The following USP44 variants were observed in gnomAD, a reference collection of about 807,000 sequenced individuals.
USP44 encodes the protein ubiquitin carboxyl-terminal hydrolase 44.
USP44 carries 61 observed loss-of-function variants against 69.0 expected under a neutral mutation model. The ratio of observed to expected loss-of-function variants is 0.88; its 90% CI spans 0.72 to 1.09. USP44 has a LOEUF of 1.09. Among genes scored for constraint, USP44 ranks in the 50% least tolerant of loss-of-function variants. USP44 has a pLI of 0.00. For missense variants in USP44, 753 were observed against 849.9 expected (o/e 0.89, Z 1.42); for synonymous variants, 297 against 295.4 (o/e 1.01, Z -0.06).
intron 1 of USP44, among the ~76,000 whole-genome samples, chr12:95,535,586 A>C (rs1282146881): frequency 6.6e-6 from 1 of 152,220 alleles, no homozygotes; most frequent in Non-Finnish European, 1.5e-5. Context: ...TGAAATTATA[A>C]GCTTATTTTT....
intron 1 of USP44, among the ~76,000 whole-genome samples, chr12:95,543,423 A>AG (rs1223801264): frequency 4.7e-5 from 7 of 150,296 alleles, no homozygotes; most frequent in African/African-American, 9.8e-5. Context: ...AAAAAAAAAA[A>AG]AAAAAGAAAA....
intron 1 of USP44, among the ~76,000 whole-genome samples, chr12:95,541,313 G>C (rs1371047640): frequency 2.0e-5 from 3 of 152,130 alleles, no homozygotes; most frequent in Admixed American, 6.5e-5. Context: ...GCTGGGCACA[G>C]TGGCTCATGC....
chr12:95,537,668 G>C (rs1032534428), intron 1 of USP44, among the ~76,000 whole-genome samples: 7 of 152,060 alleles, frequency 4.6e-5, no homozygotes, highest in African/African-American at 7.2e-5. Context: ...GGAAATGCCA[G>C]CAAAAAAGAT....
At chr12:95,544,079 G>C (rs1465660939) in intron 1 of USP44, among the ~76,000 whole-genome samples, 2 of 122,838 alleles carry the variant, frequency 1.6e-5, no homozygotes, top group Non-Finnish European at 3.2e-5. Flanking sequence ...TTCTGAGATG[G>C]AGTCTCGCTC....
chr12:95,538,504 C>T (rs1203937724), intron 1 of USP44, among the ~76,000 whole-genome samples: 1 of 151,028 alleles, frequency 6.6e-6, no homozygotes, highest in African/African-American at 2.4e-5. Context: ...TAGCTAAGAA[C>T]TAAGGTCTGA....
chr12:95,543,981 A>AG lies in USP44; in HGVS notation c.-71+7290_-71+7291insC, dbSNP rs1490515104. Among the ~76,000 whole-genome samples the AG allele has an allele frequency of 4.6e-3, 672 of 147,278 alleles. 13 individuals carry two copies. Among genetic ancestry groups the AG allele is most frequent in the African/African-American group, 0.016 (637 of 39,374 alleles). ...GACTGCATCTCAAAAAAAAAAAAAA[A>AG]AAAAAAAAGAAAAAAACCCAAAACA... is the stretch of plus-strand genomic sequence containing the variant. On this transcript the variant is annotated intron_variant, in intron 1 of 5. Transcript: ENST00000258499.
Position 95,533,522 on chromosome 12 carries a change from T to C in USP44, c.735A>G (p.Val245=). Residue 245 remains valine, a synonymous_variant, in exon 2 of 6, where the codon GTA becomes GTG. Coordinates refer to ENST00000258499, the MANE Select transcript of USP44 (RefSeq NM_032147.5). The part of the protein sequence containing the change: ...QTPASPAKDK[V]LSTSENEISQ... ...ATATTTCATTTTCTGAGGTAGAGAGTACTTTATCTTTTGCTGGTGATGCTG... is the reference window on the plus strand; with the variant it reads ...ATATTTCATTTTCTGAGGTAGAGAGCACTTTATCTTTTGCTGGTGATGCTG... 1 of 1,613,842 alleles carries C rather than the reference T, an allele frequency of 6.2e-7. No homozygotes were observed.
intron 1 of USP44, among the ~76,000 whole-genome samples, chr12:95,544,633 G>A (rs1404481130): frequency 6.6e-6 from 1 of 151,930 alleles, no homozygotes. Context: ...ACACAAAAAA[G>A]TCAAATTAAA....
intron 2 of USP44, among the ~76,000 whole-genome samples, chr12:95,532,445 G>C (rs111945476): frequency 8.5e-5 from 13 of 152,102 alleles, no homozygotes; most frequent in African/African-American, 2.7e-4. Context: ...TGGGATTATA[G>C]GTGTGAGCCC....
chr12:95,532,432 T>C (rs2077051028), intron 2 of USP44, among the ~76,000 whole-genome samples: 2 of 152,098 alleles, frequency 1.3e-5, no homozygotes, highest in Non-Finnish European at 2.9e-5. Flanking sequence ...CTTCCCAAAG[T>C]GCTGGGATTA....
Position 95,517,505 on chromosome 12 carries a change from T to C in USP44, c.*649A>G, listed in dbSNP as rs2076511121. The C allele has an allele frequency of 6.6e-6, 1 of 152,156 alleles. No individual in the cohort carries two copies. Among genetic ancestry groups the C allele is most frequent in the Non-Finnish European group, 1.5e-5 (1 of 68,034 alleles). 9.4% of individuals were successfully genotyped at this position (152,156 alleles called of 1,614,324 possible). A position where few individuals can be genotyped will look rare whatever the true frequency, so the allele number is the denominator to read the frequency against. On this transcript the variant is annotated 3_prime_UTR_variant, in exon 6 of 6. Coordinates refer to ENST00000258499, the MANE Select transcript of USP44 (RefSeq NM_032147.5). ...CCAGCCATCATTTTTTTCATGTCCA[T>C]AGTTCCAGAGTTCACTTAAATATAC...
intron 3 of USP44, 137 bp downstream of exon 3, chr12:95,528,670 G>T: frequency 1.2e-6 from 1 of 847,994 alleles, no homozygotes; most frequent in Non-Finnish European, 1.7e-6. Context: ...ATTATAAAGT[G>T]AAAACGTCTG....
chr12:95,533,922 CA>C lies in USP44; in HGVS notation c.334del (p.Cys112AlafsTer46). ...TAAAAACCTCCCACTACGAGTTGTGCAGTGATAATTTTGACTTTTGATGGCA... is the reference window on the plus strand; with the variant it reads ...TAAAAACCTCCCACTACGAGTTGTGCGTGATAATTTTGACTTTTGATGGCA... ...LSAIKSQNYH[C>X]TTRSGRFLRS... On this transcript the variant is annotated frameshift_variant, in exon 2 of 6. Coordinates refer to ENST00000258499, the MANE Select transcript of USP44 (RefSeq NM_032147.5). LOFTEE classifies it high-confidence loss of function. The C allele has an allele frequency of 1.2e-6, 2 of 1,614,178 alleles. No homozygotes were observed. Among genetic ancestry groups the C allele is most frequent in the South Asian group, 2.2e-5 (2 of 91,076 alleles).
intron 1 of USP44, among the ~76,000 whole-genome samples, chr12:95,544,048 CTTT>C (rs1191045599): frequency 4.7e-4 from 46 of 97,246 alleles, no homozygotes; most frequent in African/African-American, 1.8e-3. Flanking sequence ...TTTTAGTTAT[CTTT>C]TTTTTTTTTT....
chr12:95,532,823 C>T lies in USP44; in HGVS notation c.1428+6G>A, dbSNP rs1397496291. On this transcript the variant is annotated splice_donor_region_variant and intron_variant, in intron 2 of 5. Transcript: ENST00000258499. ...TGATGAAAATAAGATTCTTAAAAAT[C>T]CATACCTGACTAAGAAGTTGTCCAT... 3.8e-6 allele frequency: 6 copies of T among 1,563,754 alleles called. No individual in the cohort carries two copies. The highest frequency in any genetic ancestry group is 5.2e-6 in the Non-Finnish European group (6 of 1,159,404).
At chr12:95,536,344 C>G (rs958551286) in intron 1 of USP44, among the ~76,000 whole-genome samples, 22 of 152,008 alleles carry the variant, frequency 1.4e-4, no homozygotes, top group African/African-American at 5.1e-4. Context: ...TGCCCAGCCC[C>G]CATTTCACAC....
At chr12:95,520,626 A>G (rs1419736653) in intron 5 of USP44, among the ~76,000 whole-genome samples, 1 of 152,208 alleles carries the variant, frequency 6.6e-6, no homozygotes, top group Non-Finnish European at 1.5e-5. Flanking sequence ...TTTGTTCCAA[A>G]TATCTATGAT....
chr12:95,524,639 G>C, intron 4 of USP44, 41 bp downstream of exon 4: 1 of 1,458,020 alleles, frequency 6.9e-7, no homozygotes, highest in Non-Finnish European at 9.4e-7. Context: ...AGCATTATAA[G>C]CACAAGGAAT....
In USP44 at chr12:95,532,974, A is replaced by G; in HGVS notation, c.1283T>C (p.Leu428Pro). 6.2e-7 allele frequency: 1 copy of G among 1,614,238 alleles called. No individual in the cohort carries two copies. Among genetic ancestry groups the G allele is most frequent in the Non-Finnish European group, 8.5e-7 (1 of 1,180,044 alleles). ...GYAQQDAQEF[L>P]CELLDKIQRE... is the part of the protein sequence containing the mutation. Reference sequence around the variant, plus strand: ...TTGTATTTTATCTAAAAGTTCACAAAGAAATTCCTGAGCGTCTTGTTGGGC... The same window carrying G: ...TTGTATTTTATCTAAAAGTTCACAAGGAAATTCCTGAGCGTCTTGTTGGGC... Residue 428 changes from leucine to proline, a missense_variant, in exon 2 of 6, where the codon CTT (leucine) becomes CCT (proline). By Grantham distance (98) the Leu-to-Pro change is moderately conservative. Coordinates refer to ENST00000258499, the MANE Select transcript of USP44 (RefSeq NM_032147.5).
Sources: gnomAD v4.1 joint callset for allele counts (sites outside exome capture counted in the v4.1 genomes callset) on GRCh38, gnomAD v4.1.1 for gene constraint, MANE v1.5 for transcripts, NCBI Gene and HGNC (gene_info 2026-07-23, HGNC 2026-07-21) for gene names.